The following NFATC3 variants were observed in gnomAD, a reference collection of about 807,000 sequenced individuals.
The protein encoded by NFATC3 is nuclear factor of activated T cells 3, also known as nuclear factor of activated T-cells, cytoplasmic 3.
Under a neutral mutation model 98.6 loss-of-function variants are expected in NFATC3, and 46 were observed. That is an observed-to-expected ratio of 0.47 (90% CI 0.37 to 0.60). The LOEUF (loss-of-function observed/expected upper bound fraction) is 0.60. NFATC3 is among the 20% of genes least tolerant of loss of function. The probability of loss-of-function intolerance (pLI) is 0.00; values close to 1 mark genes in which losing one functional copy is unlikely to be tolerated. For missense variants in NFATC3, 1,256 were observed against 1,295.5 expected, an observed-to-expected ratio of 0.97 and a Z score of 0.47; for synonymous variants, 512 against 472.2, an observed-to-expected ratio of 1.08 and a Z score of -1.09.
intron 3 of NFATC3, among the ~76,000 whole-genome samples, chr16:68,144,734 T>A (rs185368601): frequency 2.8e-4 from 43 of 152,282 alleles, no homozygotes; most frequent in African/African-American, 1.0e-3. Context: ...CTCAGCTCAC[T>A]GCCACCTCCG....
At chr16:68,174,588 A>G in intron 6 of NFATC3, 74 bp downstream of exon 6, 8 of 1,244,124 alleles carry the variant, frequency 6.4e-6, no homozygotes, top group Non-Finnish European at 7.4e-6. Context: ...ATGTTTCTGT[A>G]ACAAAAATTA....
In NFATC3 at chr16:68,120,356, T is replaced by A. The variant is rs2151498320; in HGVS notation, c.104-1631T>A. Reference sequence around the variant, plus strand: ...ACTTTGGGAGGCCAAGGAGGGTAGATTGCTTGGGGTCAGGAGTTTGAGACC... The same window carrying A: ...ACTTTGGGAGGCCAAGGAGGGTAGAATGCTTGGGGTCAGGAGTTTGAGACC... On this transcript the variant is annotated intron_variant, in intron 1 of 9. Transcript: ENST00000346183. Among the ~76,000 whole-genome samples, 4 of 150,872 alleles carry A rather than the reference T, an allele frequency of 2.7e-5. 1 individual carries two copies. Among genetic ancestry groups the A allele is most frequent in the Admixed American group, 2.6e-4 (4 of 15,120 alleles).
chr16:68,123,261 A>G (rs1303949197), intron 2 of NFATC3, 140 bp downstream of exon 2: 2 of 789,854 alleles, frequency 2.5e-6, no homozygotes, highest in African/African-American at 3.5e-5. Context: ...AATTTTACCA[A>G]ATAACTTAAT....
At chr16:68,125,506 G>T (rs2036787180) in intron 2 of NFATC3, among the ~76,000 whole-genome samples, 1 of 152,160 alleles carries the variant, frequency 6.6e-6, no homozygotes, top group South Asian at 2.1e-4. Flanking sequence ...TCAAATTGCA[G>T]TATATTGCTG....
intron 1 of NFATC3, among the ~76,000 whole-genome samples, chr16:68,096,306 G>A (rs1016739885): frequency 2.6e-5 from 4 of 152,246 alleles, no homozygotes; most frequent in African/African-American, 7.2e-5. Flanking sequence ...TTCTTTCGAA[G>A]GCTCATCTGA....
At chr16:68,107,139 T>C (rs2035702458) in intron 1 of NFATC3, among the ~76,000 whole-genome samples, 2 of 152,232 alleles carry the variant, frequency 1.3e-5, no homozygotes, top group Non-Finnish European at 2.9e-5. Flanking sequence ...CTTTATCTTG[T>C]CTGTCATTGG....
At chr16:68,188,005 A>G (rs2040277049) in intron 8 of NFATC3, among the ~76,000 whole-genome samples, 2 of 152,136 alleles carry the variant, frequency 1.3e-5, no homozygotes, top group South Asian at 4.1e-4. Flanking sequence ...AGCTGCCCTC[A>G]GCCCTACCTC....
chr16:68,162,397 G>A (rs2038935326), intron 4 of NFATC3, among the ~76,000 whole-genome samples: 1 of 152,134 alleles, frequency 6.6e-6, no homozygotes, highest in South Asian at 2.1e-4. Flanking sequence ...TATAGTTCCA[G>A]ATAATGGTAG....
intron 5 of NFATC3, among the ~76,000 whole-genome samples, chr16:68,173,658 T>A (rs564874937): frequency 2.0e-5 from 3 of 152,242 alleles, no homozygotes; most frequent in Non-Finnish European, 4.4e-5. Flanking sequence ...TTCTCTTCAT[T>A]GCACGCAATA....
At chr16:68,087,136 G>A (rs767351854) in intron 1 of NFATC3, among the ~76,000 whole-genome samples, 26 of 152,298 alleles carry the variant, frequency 1.7e-4, no homozygotes, top group Non-Finnish European at 3.1e-4. Context: ...ATTGTATCTA[G>A]ATTATCGGGA....
chr16:68,201,399 T>G (rs1345950298), intron 9 of NFATC3, among the ~76,000 whole-genome samples: 1 of 151,600 alleles, frequency 6.6e-6, no homozygotes, highest in African/African-American at 2.4e-5. Context: ...GCCTAGCTGA[T>G]TTTTGGGGGG....
intron 9 of NFATC3, chr16:68,224,573 C>CTTTTTTT (rs35650643): frequency 1.0e-5 from 1 of 99,024 alleles, no homozygotes; most frequent in Non-Finnish European, 2.0e-5. Flanking sequence ...CCGCGCCTGG[C>CTTTTTTT]TTTTTTTTTT....
At chr16:68,149,167 T>A (rs2038189195) in intron 3 of NFATC3, among the ~76,000 whole-genome samples, 1 of 152,034 alleles carries the variant, frequency 6.6e-6, no homozygotes, top group South Asian at 2.1e-4. Context: ...AGGCTAGGCT[T>A]AATGATCTGT....
At chr16:68,130,415 A>G (rs1378049694) in intron 3 of NFATC3, among the ~76,000 whole-genome samples, 1 of 152,000 alleles carries the variant, frequency 6.6e-6, no homozygotes, top group Non-Finnish European at 1.5e-5. Context: ...GATGTTGAGC[A>G]TTTTTTTATA....
chr16:68,114,230 A>G (rs1421440189), intron 1 of NFATC3, among the ~76,000 whole-genome samples: 1 of 152,016 alleles, frequency 6.6e-6, no homozygotes, highest in Non-Finnish European at 1.5e-5. Flanking sequence ...TTGTCGCTCT[A>G]CCCTGCTTTT....
In NFATC3 at chr16:68,134,709, T is replaced by C. The variant is rs148904156; in HGVS notation, c.1401+8099T>C. Among the ~76,000 whole-genome samples, 256 of 152,270 alleles carry C rather than the reference T, an allele frequency of 1.7e-3. 1 individual carries two copies. Among genetic ancestry groups the C allele is most frequent in the South Asian group, 0.016 (79 of 4,824 alleles). ...TTTGCTAGGGTTTGTTTTGGGGTTTTTTTGGGGGGATGGGGGATACCTTTT... is the reference window on the plus strand; with the variant it reads ...TTTGCTAGGGTTTGTTTTGGGGTTTCTTTGGGGGGATGGGGGATACCTTTT... On this transcript the variant is annotated intron_variant, in intron 3 of 9. Transcript: ENST00000346183.
intron 5 of NFATC3, 95 bp from the exon 6 acceptor site, chr16:68,174,275 CTTTA>C: frequency 9.7e-7 from 1 of 1,032,572 alleles, no homozygotes; most frequent in Non-Finnish European, 1.3e-6. Flanking sequence ...ATTTGCTTCT[CTTTA>C]TTTTCTTTTT....
intron 3 of NFATC3, among the ~76,000 whole-genome samples, chr16:68,141,556 A>G (rs1474057987): frequency 6.6e-6 from 1 of 151,858 alleles, no homozygotes; most frequent in Admixed American, 6.6e-5. Flanking sequence ...CATTTACCTG[A>G]TGGTTAGTGA....
Position 68,157,986 on chromosome 16 carries a change from G to A in NFATC3, c.1519G>A (p.Ala507Thr), listed in dbSNP as rs760841757. ...QVHRITGKTV[A>T]TASQEIIIAS... ...GCATCGAATCACTGGGAAGACAGTC[G>A]CTACTGCAAGCCAAGAGATAATAAT... is the stretch of plus-strand genomic sequence containing the variant. Residue 507 changes from alanine (A) to threonine (T), a missense_variant, in exon 4 of 10, where the codon GCT (alanine) becomes ACT (threonine). By Grantham distance (58) the Ala-to-Thr change is moderately conservative (BLOSUM62 0). Coordinates refer to ENST00000346183, the MANE Select transcript of NFATC3 (RefSeq NM_173165.3). 4 of 1,613,768 alleles carry A rather than the reference G, an allele frequency of 2.5e-6. No individual in the cohort carries two copies. The highest frequency in any genetic ancestry group is 2.7e-5 in the African/African-American group (2 of 74,902).
Sources: gnomAD v4.1 joint callset for allele counts (sites outside exome capture counted in the v4.1 genomes callset) on GRCh38, gnomAD v4.1.1 for gene constraint, MANE v1.5 for transcripts, NCBI Gene and HGNC (gene_info 2026-07-23, HGNC 2026-07-21) for gene names.